The following NTRK2 variants were observed in gnomAD, a reference collection of about 807,000 sequenced individuals.
NTRK2 encodes the protein neurotrophic receptor tyrosine kinase 2, also known as BDNF/NT-3 growth factors receptor.
In NTRK2, 13 loss-of-function variants were observed where a neutral mutation model predicts 94.5. The ratio of observed to expected loss-of-function variants is 0.14; its 90% CI spans 0.09 to 0.22. NTRK2 has a LOEUF of 0.22. Among genes scored for constraint, NTRK2 ranks in the 10% least tolerant of loss-of-function variants. The pLI is 1.00. For synonymous variants in NTRK2, 372 were observed against 407.4 expected, an observed-to-expected ratio of 0.91 and a Z score of 1.05; for missense variants, 639 against 1,071.2, an observed-to-expected ratio of 0.60 and a Z score of 5.63.
intron 14 of NTRK2, among the ~76,000 whole-genome samples, chr9:84,913,534 C>T (rs1294527616): frequency 4.6e-5 from 7 of 152,080 alleles, no homozygotes; most frequent in South Asian, 4.1e-4. Flanking sequence ...TGTTCCTGAA[C>T]GACATTTTTA....
At chr9:84,992,906 A>G (rs1369416034) in intron 17 of NTRK2, among the ~76,000 whole-genome samples, 3 of 19,046 alleles carry the variant, frequency 1.6e-4, no homozygotes, top group African/African-American at 4.7e-4. Flanking sequence ...AGAGTTAAGA[A>G]AAAAAAAATA....
intron 12 of NTRK2, among the ~76,000 whole-genome samples, chr9:84,799,558 A>G (rs1207683057): frequency 6.6e-6 from 1 of 151,120 alleles, no homozygotes; most frequent in Non-Finnish European, 1.5e-5. Context: ...CCAGCTAGGA[A>G]CTATTGTAGC....
Position 84,860,828 on chromosome 9 carries a change from T to C in NTRK2, c.1397-212T>C, listed in dbSNP as rs551692496. Among the ~76,000 whole-genome samples the C allele has an allele frequency of 2.7e-4, 41 of 152,270 alleles. No individual in the cohort carries two copies. In the South Asian group the frequency reaches 7.9e-3, roughly 29 times the overall value. On this transcript the variant is annotated intron_variant, in intron 12 of 18. Coordinates refer to ENST00000277120, the MANE Select transcript of NTRK2 (RefSeq NM_006180.6). ...GTTCTCTGAATAGGAAATAAATCTC[T>C]ACACAAAAATCCAAGGGTTAGTTTC...
At chr9:84,924,616 C>T (rs1457846170) in intron 14 of NTRK2, among the ~76,000 whole-genome samples, 6 of 152,174 alleles carry the variant, frequency 3.9e-5, no homozygotes, top group South Asian at 2.1e-4. Context: ...AAGGATGTAC[C>T]GTATGTGTAT....
chr9:84,847,620 C>T (rs926272655), intron 12 of NTRK2, among the ~76,000 whole-genome samples: 3 of 152,180 alleles, frequency 2.0e-5, no homozygotes, highest in Admixed American at 6.5e-5. Flanking sequence ...TGTCAACCTT[C>T]GAACACACAT....
intron 2 of NTRK2, among the ~76,000 whole-genome samples, chr9:84,696,699 A>G (rs1369361113): frequency 6.6e-6 from 1 of 152,242 alleles, no homozygotes; most frequent in Non-Finnish European, 1.5e-5. Flanking sequence ...CAAACTTACA[A>G]GTGCAATAAA....
At chr9:84,686,132 A>G (rs1483780545) in intron 2 of NTRK2, among the ~76,000 whole-genome samples, 1 of 152,186 alleles carries the variant, frequency 6.6e-6, no homozygotes, top group East Asian at 1.9e-4. Context: ...AATTTTTCTC[A>G]AGCTATCAAG....
intron 17 of NTRK2, among the ~76,000 whole-genome samples, chr9:84,977,498 A>C (rs868749525): frequency 1.3e-5 from 2 of 152,252 alleles, no homozygotes; most frequent in Non-Finnish European, 2.9e-5. Flanking sequence ...GGAAATGTGC[A>C]TATCAGACAA....
At position 84,959,193 on chromosome 9, in the gene NTRK2, G is replaced by A. The variant is rs536975306; in HGVS notation, c.2172+3676G>A. ...TCAACACTCTGCATTGAACTCCAAG[G>A]TGAGAAGCTGCTTTAGCTGATGTGA... On this transcript the variant is annotated intron_variant, in intron 17 of 18. Transcript: ENST00000277120. Among the ~76,000 whole-genome samples, 9 of 152,250 alleles carry A rather than the reference G, an allele frequency of 5.9e-5. No individual in the cohort carries two copies. The South Asian group carries it at 1.5e-3, about 25-fold the overall frequency.
intron 17 of NTRK2, among the ~76,000 whole-genome samples, chr9:85,019,525 A>G (rs1240673510): frequency 6.6e-6 from 1 of 152,190 alleles, no homozygotes; most frequent in Non-Finnish European, 1.5e-5. Context: ...CCCCAGTCTC[A>G]GTGTTTTCAT....
intron 12 of NTRK2, among the ~76,000 whole-genome samples, chr9:84,755,094 A>G (rs373374835): frequency 6.4e-4 from 97 of 152,274 alleles, no homozygotes; most frequent in African/African-American, 2.1e-3. Flanking sequence ...TATTGCTCCC[A>G]TGGGGAGGTG....
chr9:84,709,925 T>C (rs1439023263), intron 5 of NTRK2, among the ~76,000 whole-genome samples: 1 of 152,040 alleles, frequency 6.6e-6, no homozygotes, highest in Non-Finnish European at 1.5e-5. Context: ...CAGCTCAATC[T>C]GCAGCTCAGT....
At chr9:84,676,152 C>A (rs547511028) in intron 2 of NTRK2, among the ~76,000 whole-genome samples, 2 of 152,196 alleles carry the variant, frequency 1.3e-5, no homozygotes, top group Non-Finnish European at 2.9e-5. Context: ...CTTGAAGCAG[C>A]CTTTTAATGT....
chr9:84,765,137 T>G (rs1346744672), intron 12 of NTRK2, among the ~76,000 whole-genome samples: 1 of 152,170 alleles, frequency 6.6e-6, no homozygotes, highest in Non-Finnish European at 1.5e-5. Context: ...AGACCTACTG[T>G]CTGATCGCAC....
chr9:84,858,219 T>G (rs2131962912), intron 12 of NTRK2, among the ~76,000 whole-genome samples: 1 of 152,276 alleles, frequency 6.6e-6, no homozygotes, highest in East Asian at 1.9e-4. Flanking sequence ...AAAACCTCCT[T>G]AACCAATCTC....
At chr9:84,679,438 G>A (rs975965500) in intron 2 of NTRK2, among the ~76,000 whole-genome samples, 21 of 152,288 alleles carry the variant, frequency 1.4e-4, no homozygotes, top group African/African-American at 4.6e-4. Context: ...TGTTTCAACT[G>A]AACCTGGCTT....
intron 17 of NTRK2, among the ~76,000 whole-genome samples, chr9:84,993,004 A>G (rs1829290495): frequency 6.6e-6 from 1 of 151,822 alleles, no homozygotes; most frequent in Non-Finnish European, 1.5e-5. Context: ...GCCAATAGGC[A>G]TTTCCAGTCC....
At chr9:84,893,629 C>G (rs1045224255) in intron 14 of NTRK2, among the ~76,000 whole-genome samples, 1 of 152,188 alleles carries the variant, frequency 6.6e-6, no homozygotes, top group Middle Eastern at 3.2e-3. Context: ...ATTAGGAGGT[C>G]TGCCTTTGTG....
At chr9:84,749,860 T>C (rs2064426527) in intron 11 of NTRK2, among the ~76,000 whole-genome samples, 1 of 152,124 alleles carries the variant, frequency 6.6e-6, no homozygotes, top group South Asian at 2.1e-4. Context: ...CACTATGAGA[T>C]GGGTATATCA....
Sources: gnomAD v4.1 joint callset for allele counts (sites outside exome capture counted in the v4.1 genomes callset) on GRCh38, gnomAD v4.1.1 for gene constraint, MANE v1.5 for transcripts, NCBI Gene and HGNC (gene_info 2026-07-23, HGNC 2026-07-21) for gene names.